COL6A6: variants seen among roughly 807,000 people sequenced by gnomAD.
COL6A6 encodes collagen alpha-6(VI) chain.
Under a neutral mutation model 208.6 loss-of-function variants are expected in COL6A6, and 183 were observed. That is an observed-to-expected ratio of 0.88 (90% confidence interval 0.78 to 0.99). The LOEUF (loss-of-function observed/expected upper bound fraction) is 0.99, where lower values mean the gene tolerates loss of function less well. Among genes scored for constraint, COL6A6 ranks in the 50% least tolerant of loss-of-function variants. The pLI is 0.00. For missense variants in COL6A6, 2,816 were observed against 2,815.2 expected, an observed-to-expected ratio of 1.00 and a Z score of -0.01; for synonymous variants, 973 against 1,011.8, an observed-to-expected ratio of 0.96 and a Z score of 0.73.
At chr3:130,534,915 C>T (rs1276453232) in intron 1 of COL6A6, among the ~76,000 whole-genome samples, 2 of 151,288 alleles carry the variant, frequency 1.3e-5, no homozygotes, top group Non-Finnish European at 2.9e-5. Flanking sequence ...TGGGTTTTTT[C>T]CTACTATGTT....
In COL6A6 at chr3:130,568,370, A is replaced by G. The variant is rs1385220414; in HGVS notation, c.2167A>G (p.Arg723Gly). The change falls in exon 6 of 37, where the codon AGA becomes GGA. Residue 723 changes from arginine to glycine, a missense_variant. Transcript: ENST00000358511. ...SPTKGARPNI[R>G]KFLILITDGE... ...CACCAAGGGCGCCCGGCCCAACATC[A>G]GAAAGTTTCTCATCCTCATCACGGA... 3 of 1,613,994 alleles carry G rather than the reference A, an allele frequency of 1.9e-6. No individual in the cohort carries two copies. In the Admixed American group the frequency reaches 5.0e-5, roughly 27 times the overall value.
At chr3:130,642,914 A>G (rs553098116) in intron 30 of COL6A6, 47 bp downstream of exon 30, 18 of 1,613,046 alleles carry the variant, frequency 1.1e-5, no homozygotes, top group South Asian at 8.8e-5. Flanking sequence ...GCTCCATTCA[A>G]TTTACTTATT....
At chr3:130,674,329 C>T (rs1342525042) in intron 36 of COL6A6, among the ~76,000 whole-genome samples, 1 of 152,216 alleles carries the variant, frequency 6.6e-6, no homozygotes, top group Non-Finnish European at 1.5e-5. Context: ...GATTCTAGGA[C>T]ACTTCTGTCA....
chr3:130,576,313 C>T (rs1423980682), intron 8 of COL6A6, among the ~76,000 whole-genome samples: 3 of 152,086 alleles, frequency 2.0e-5, no homozygotes, highest in Non-Finnish European at 4.4e-5. Flanking sequence ...GATGGGAGAG[C>T]CCACAGCACA....
At chr3:130,620,875 C>T (rs1482420308) in intron 23 of COL6A6, among the ~76,000 whole-genome samples, 1 of 152,144 alleles carries the variant, frequency 6.6e-6, no homozygotes, top group Non-Finnish European at 1.5e-5. Flanking sequence ...GATTTCAGCT[C>T]ACTGGGGTTG....
chr3:130,648,109 G>A (rs984821778), intron 32 of COL6A6, among the ~76,000 whole-genome samples: 47 of 152,290 alleles, frequency 3.1e-4, no homozygotes, highest in African/African-American at 8.7e-4. Flanking sequence ...GCAAAGTACC[G>A]AAATTAGAAT....
Position 130,606,928 on chromosome 3 carries a change from T to G in COL6A6, c.4654-3T>G, listed in dbSNP as rs760870119. On this transcript the variant is annotated splice_polypyrimidine_tract_variant and splice_region_variant and intron_variant, in intron 20 of 36. Transcript: ENST00000358511. Reference sequence around the variant, plus strand: ...ATGATATCCACCTTTTCTTCTATTTTAGGCAGCTCATGGCAGAAGGGGACA... The same window carrying G: ...ATGATATCCACCTTTTCTTCTATTTGAGGCAGCTCATGGCAGAAGGGGACA... 6.2e-7 allele frequency: 1 copy of G among 1,607,274 alleles called. No homozygotes were observed. The highest frequency in any genetic ancestry group is 8.5e-7 in the Non-Finnish European group (1 of 1,177,524).
chr3:130,590,299 A>ATT lies in COL6A6; in HGVS notation c.4219-713_4219-712dup, dbSNP rs71133610. On this transcript the variant is annotated intron_variant, in intron 12 of 36. Coordinates refer to ENST00000358511, the MANE Select transcript of COL6A6 (RefSeq NM_001102608.3). ...TATATATATATATATATATATATAT[A>ATT]TTTTTTTTTTTTTTTTTTTTTTTTT... is the stretch of plus-strand genomic sequence containing the variant. Among the ~76,000 whole-genome samples, 31 of 9,174 alleles carry ATT rather than the reference A, an allele frequency of 3.4e-3. 5 individuals are homozygous for ATT. The highest frequency in any genetic ancestry group is 4.1e-3 in the Non-Finnish European group (19 of 4,648). The allele number at this position is 9,174 out of a possible 152,430, so 6.0% of individuals were successfully genotyped here. A position where few individuals can be genotyped will look rare whatever the true frequency, so the allele number is the denominator to read the frequency against.
intron 8 of COL6A6, among the ~76,000 whole-genome samples, chr3:130,579,280 A>T (rs1300060914): frequency 2.6e-5 from 4 of 152,178 alleles, no homozygotes; most frequent in Non-Finnish European, 5.9e-5. Flanking sequence ...AAACAATGAG[A>T]CTATAACTGT....
chr3:130,547,055 G>A (rs937255729), intron 1 of COL6A6, among the ~76,000 whole-genome samples: 4 of 152,262 alleles, frequency 2.6e-5, no homozygotes, highest in African/African-American at 4.8e-5. Flanking sequence ...AGTCCTGCGC[G>A]GCCTGCCTGC....
chr3:130,642,269 G>A (rs1037143630), intron 29 of COL6A6, among the ~76,000 whole-genome samples: 4 of 151,688 alleles, frequency 2.6e-5, no homozygotes, highest in Non-Finnish European at 5.9e-5. Context: ...GTGTGTGTGT[G>A]TGTGTGTGTG....
rs2062982602 is a variant in COL6A6 at position 130,565,068 on chromosome 3, G to A, written c.736G>A (p.Asp246Asn). ...MSINGSEENF[D>N]YLKGFLEESV... ...AATCAATGGAAGTGAGGAGAACTTT[G>A]ACTATCTTAAAGGATTCTTGGAAGA... The change falls in exon 4 of 37, where the codon GAC (aspartate) becomes AAC (asparagine). Residue 246 changes from aspartate (D) to asparagine (N), a missense_variant. Physicochemically the swap from Asp to Asn is conservative, Grantham distance 23. Transcript: ENST00000358511. 1 of 1,613,852 alleles carries A rather than the reference G, an allele frequency of 6.2e-7. No homozygotes were observed. Among genetic ancestry groups the A allele is most frequent in the African/African-American group, 1.3e-5 (1 of 74,918 alleles).
intron 1 of COL6A6, among the ~76,000 whole-genome samples, chr3:130,518,655 A>C (rs982211234): frequency 2.0e-5 from 3 of 152,094 alleles, no homozygotes; most frequent in Non-Finnish European, 2.9e-5. Context: ...TACAGGCATG[A>C]GCCACCATGC....
At chr3:130,566,676 C>T (rs2063030524) in intron 4 of COL6A6, 26 bp from the exon 5 acceptor site, 2 of 1,549,024 alleles carry the variant, frequency 1.3e-6, no homozygotes, top group Non-Finnish European at 1.7e-6. Context: ...TCAAATGCCA[C>T]ATGCAACTTA....
intron 18 of COL6A6, among the ~76,000 whole-genome samples, chr3:130,597,309 A>G (rs1051514108): frequency 6.6e-6 from 1 of 152,234 alleles, no homozygotes; most frequent in Non-Finnish European, 1.5e-5. Context: ...AGGTGGAGGA[A>G]AGAAGCAATT....
intron 7 of COL6A6, among the ~76,000 whole-genome samples, chr3:130,571,844 T>TA (rs1388484251): frequency 7.0e-6 from 1 of 143,880 alleles, no homozygotes; most frequent in Non-Finnish European, 1.5e-5. Context: ...CATGGCTAAT[T>TA]TTTTTTTTTT....
intron 22 of COL6A6, among the ~76,000 whole-genome samples, chr3:130,609,703 G>A (rs1011088915): frequency 3.3e-5 from 5 of 152,032 alleles, no homozygotes; most frequent in Non-Finnish European, 7.4e-5. Flanking sequence ...GTTCTATTTG[G>A]CATAGGCAGG....
At chr3:130,624,742 C>T (rs777478700) in intron 24 of COL6A6, among the ~76,000 whole-genome samples, 22 of 152,032 alleles carry the variant, frequency 1.4e-4, no homozygotes, top group African/African-American at 2.9e-4. Context: ...GGTCAGGGGT[C>T]GGGGGCAGGT....
intron 28 of COL6A6, among the ~76,000 whole-genome samples, chr3:130,639,574 C>T (rs1214351479): frequency 2.6e-5 from 4 of 151,974 alleles, no homozygotes; most frequent in African/African-American, 9.7e-5. Flanking sequence ...GTACCTGTAG[C>T]CCCAGCTACC....
Sources: gnomAD v4.1 joint callset for allele counts (sites outside exome capture counted in the v4.1 genomes callset) on GRCh38, gnomAD v4.1.1 for gene constraint, MANE v1.5 for transcripts, NCBI Gene and HGNC (gene_info 2026-07-23, HGNC 2026-07-21) for gene names.